Variants in PCSK2 observed in about 807,000 individuals in gnomAD.
The protein encoded by PCSK2 is neuroendocrine convertase 2.
A neutral mutation model predicts 69.7 loss-of-function variants in PCSK2; 14 were observed. The ratio of observed to expected loss-of-function variants is 0.20; its 90% CI spans 0.13 to 0.31. The LOEUF (loss-of-function observed/expected upper bound fraction) is 0.31. Ranked by LOEUF, PCSK2 falls within the 10% of genes least tolerant of loss-of-function variation. The probability of loss-of-function intolerance (pLI) is 1.00; values close to 1 mark genes in which losing one functional copy is unlikely to be tolerated. For synonymous variants in PCSK2, 307 were observed against 320.7 expected (o/e 0.96, Z 0.46); for missense variants, 544 against 842.5 (o/e 0.65, Z 4.39).
rs556115272 is a variant in PCSK2, at chr20:17,451,402, G to T, written c.886-2340G>T. On this transcript the variant is annotated intron_variant, in intron 8 of 11. Transcript: ENST00000262545. Reference sequence around the variant, plus strand: ...TCAGGAGAGTGAGTTAGAGACTGACGGATCGAGGATGGCTTCCCTCCTGTG... The same window carrying T: ...TCAGGAGAGTGAGTTAGAGACTGACTGATCGAGGATGGCTTCCCTCCTGTG... Among the ~76,000 whole-genome samples the T allele has an allele frequency of 5.9e-5, 9 of 152,290 alleles. No homozygotes were observed. In the South Asian group the frequency reaches 1.9e-3, roughly 32 times the overall value.
chr20:17,312,135 A>G (rs1989537505), intron 2 of PCSK2, among the ~76,000 whole-genome samples: 1 of 152,192 alleles, frequency 6.6e-6, no homozygotes, highest in Admixed American at 6.5e-5. Flanking sequence ...AAGCAGCCTC[A>G]CATTTTTCAG....
rs114990246 is a variant in PCSK2 at position 17,251,417 on chromosome 20, C to T, written c.178-8823C>T. Among the ~76,000 whole-genome samples the T allele has an allele frequency of 4.1e-3, 631 of 152,232 alleles. 4 individuals carry two copies. Among genetic ancestry groups the T allele is most frequent in the African/African-American group, 0.014 (599 of 41,546 alleles). The stretch of plus-strand genomic sequence containing the variant: ...AACAGGAACTAAATCACAAAAGCTA[C>T]AATGTTCTAAAAAATTTTTATTCAC... On this transcript the variant is annotated intron_variant, in intron 1 of 11. Coordinates refer to ENST00000262545, the MANE Select transcript of PCSK2 (RefSeq NM_002594.5).
intron 7 of PCSK2, among the ~76,000 whole-genome samples, 160 bp from the exon 8 acceptor site, chr20:17,436,548 G>A (rs966717463): frequency 3.3e-5 from 5 of 152,212 alleles, no homozygotes; most frequent in Non-Finnish European, 4.4e-5. Context: ...CAGTAGGACC[G>A]TCTGTGCCTC....
intron 5 of PCSK2, among the ~76,000 whole-genome samples, chr20:17,398,673 A>G (rs766620014): frequency 1.3e-5 from 2 of 152,060 alleles, no homozygotes; most frequent in Non-Finnish European, 2.9e-5. Flanking sequence ...ATGAGGTATG[A>G]ACAAAGGTGT....
chr20:17,460,335 A>G (rs1386729506), intron 10 of PCSK2, among the ~76,000 whole-genome samples: 1 of 152,248 alleles, frequency 6.6e-6, no homozygotes, highest in African/African-American at 2.4e-5. Flanking sequence ...GGGGTTTTCC[A>G]AGGAGCCCCA....
intron 2 of PCSK2, among the ~76,000 whole-genome samples, chr20:17,354,157 T>G (rs909617841): frequency 1.3e-5 from 2 of 152,186 alleles, no homozygotes; most frequent in African/African-American, 2.4e-5. Context: ...ACAACAAAAT[T>G]TTTTTAAATG....
chr20:17,266,921 G>A (rs1236822102), intron 2 of PCSK2, among the ~76,000 whole-genome samples: 1 of 152,166 alleles, frequency 6.6e-6, no homozygotes, highest in Non-Finnish European at 1.5e-5. Flanking sequence ...GCAGCTGGAG[G>A]AAATGTGTGA....
In PCSK2 at chr20:17,483,837, C is replaced by T. The variant is rs2033452035; in HGVS notation, c.*1767C>T. ...TGGAAATCATCGAAAATTCATTTCA[C>T]ATTAATGGTCTAAAAATAAACCAAA... On this transcript the variant is annotated 3_prime_UTR_variant, in exon 12 of 12. Coordinates refer to ENST00000262545, the MANE Select transcript of PCSK2 (RefSeq NM_002594.5). The T allele has an allele frequency of 6.6e-6, 1 of 152,492 alleles. No homozygotes were observed. The highest frequency in any genetic ancestry group is 1.5e-5 in the Non-Finnish European group (1 of 68,016). 9.4% of individuals were successfully genotyped at this position (152,492 alleles called of 1,614,324 possible). A position where few individuals can be genotyped will look rare whatever the true frequency, so the allele number is the denominator to read the frequency against.
chr20:17,291,743 CAGAT>C (rs774193450), intron 2 of PCSK2, among the ~76,000 whole-genome samples: 27 of 152,096 alleles, frequency 1.8e-4, no homozygotes, highest in Non-Finnish European at 3.2e-4. Context: ...GCAGCATAAA[CAGAT>C]AAGGGTTTTC....
chr20:17,322,461 G>C (rs1989899552), intron 2 of PCSK2, among the ~76,000 whole-genome samples: 1 of 152,320 alleles, frequency 6.6e-6, no homozygotes, highest in South Asian at 2.1e-4. Flanking sequence ...GGCCTTCAAG[G>C]GGGTAATTAA....
At chr20:17,273,382 G>A (rs1283161555) in intron 2 of PCSK2, among the ~76,000 whole-genome samples, 1 of 152,018 alleles carries the variant, frequency 6.6e-6, no homozygotes, top group Non-Finnish European at 1.5e-5. Context: ...GAAATAAATT[G>A]CCTTAATTTT....
chr20:17,455,301 A>T (rs2032899041), intron 9 of PCSK2, among the ~76,000 whole-genome samples: 2 of 152,156 alleles, frequency 1.3e-5, no homozygotes, highest in African/African-American at 4.8e-5. Flanking sequence ...TCTCTTGAGG[A>T]TCCTACAGAC....
rs530208261 is a variant in PCSK2, at chr20:17,301,324, TGGA to T, written c.282+40992_282+40994del. Among the ~76,000 whole-genome samples the T allele has an allele frequency of 2.5e-4, 38 of 152,194 alleles. 1 individual carries two copies. In the East Asian group the frequency reaches 6.8e-3, roughly 27 times the overall value. ...CTCTGTGTGAGACTCAAAAAGCAGC[TGGA>T]GGAGGAGGAGGGCTCTGATATCAAA... On this transcript the variant is annotated intron_variant, in intron 2 of 11. Coordinates refer to ENST00000262545, the MANE Select transcript of PCSK2 (RefSeq NM_002594.5).
intron 11 of PCSK2, 60 bp downstream of exon 11, chr20:17,465,613 G>A: frequency 1.0e-6 from 1 of 997,468 alleles, no homozygotes; most frequent in South Asian, 1.6e-5. Flanking sequence ...ATGGCTCCAT[G>A]GCATTGGCAT....
intron 5 of PCSK2, among the ~76,000 whole-genome samples, chr20:17,391,902 GAGAGAGGA>G (rs2031383513): frequency 4.7e-5 from 1 of 21,098 alleles, no homozygotes; most frequent in African/African-American, 2.0e-4. Flanking sequence ...GAGAGAAAGA[GAGAGAGGA>G]AGGAAGGAAG....
intron 2 of PCSK2, among the ~76,000 whole-genome samples, chr20:17,319,473 T>C (rs1816202920): frequency 6.6e-6 from 1 of 152,302 alleles, no homozygotes; most frequent in Admixed American, 6.5e-5. Flanking sequence ...GATTGGGCCC[T>C]GTATATCTCC....
chr20:17,235,830 G>A (rs1986317322), intron 1 of PCSK2, among the ~76,000 whole-genome samples: 1 of 152,086 alleles, frequency 6.6e-6, no homozygotes, highest in South Asian at 2.1e-4. Flanking sequence ...CCATTTGTGA[G>A]ATGGTAAACA....
chr20:17,437,233 C>T (rs1298575078), intron 8 of PCSK2, among the ~76,000 whole-genome samples: 1 of 152,218 alleles, frequency 6.6e-6, no homozygotes, highest in Non-Finnish European at 1.5e-5. Context: ...CCCACTCAGT[C>T]GTTGGCTGGC....
chr20:17,241,687 G>A (rs375240219), intron 1 of PCSK2, among the ~76,000 whole-genome samples: 1 of 152,130 alleles, frequency 6.6e-6, no homozygotes, highest in Non-Finnish European at 1.5e-5. Context: ...CACACTGAAC[G>A]GCTGGTAGAG....
Sources: gnomAD v4.1 joint callset for allele counts (sites outside exome capture counted in the v4.1 genomes callset) on GRCh38, gnomAD v4.1.1 for gene constraint, MANE v1.5 for transcripts, NCBI Gene and HGNC (gene_info 2026-07-23, HGNC 2026-07-21) for gene names.